UNC80: variants seen among roughly 807,000 people sequenced by gnomAD.
The protein encoded by UNC80 is unc-80 subunit of NALCN channel complex, also known as protein unc-80 homolog.
A neutral mutation model predicts 384.6 loss-of-function variants in UNC80; 164 were observed. The ratio of observed to expected loss-of-function variants is 0.43; its 90% confidence interval spans 0.38 to 0.49. UNC80 has a LOEUF of 0.49. Ranked by LOEUF, UNC80 falls within the 20% of genes least tolerant of loss-of-function variation. UNC80 has a pLI of 0.00. For synonymous variants in UNC80, 1,486 were observed against 1,527.8 expected (o/e 0.97, Z 0.64); for missense variants, 3,330 against 4,143.0 (o/e 0.80, Z 5.39).
chr2:209,839,112 G>T lies in UNC80; in HGVS notation c.3042-110G>T, dbSNP rs1482447658. The T allele has an allele frequency of 1.0e-6, 1 of 991,480 alleles. No individual in the cohort carries two copies. The highest frequency in any genetic ancestry group is 1.5e-6 in the Non-Finnish European group (1 of 673,840). The allele number at this position is 991,480 out of a possible 1,614,324, so 61.4% of individuals were successfully genotyped here. On this transcript the variant is annotated intron_variant, in intron 18 of 64. Coordinates refer to ENST00000673920, the MANE Select transcript of UNC80 (RefSeq NM_001371986.1). The surrounding 1 kb of genome is among the most constrained non-coding windows in gnomAD (Gnocchi z 4.1). ...TCTTCCCACATTTCAGCCCATCAAA[G>T]ATCATTTTGCATGATTTGCCTAAAT...
At chr2:209,792,411 G>A (rs1329503318) in intron 6 of UNC80, among the ~76,000 whole-genome samples, 7 of 152,310 alleles carry the variant, frequency 4.6e-5, no homozygotes, top group Admixed American at 1.3e-4. Context: ...GCAGTGGCGC[G>A]ATCTTGGCTC....
intron 36 of UNC80, among the ~76,000 whole-genome samples, chr2:209,929,426 G>A (rs1248855827): frequency 6.6e-6 from 1 of 152,076 alleles, no homozygotes; most frequent in African/African-American, 2.4e-5. Context: ...ACTGTTTGAA[G>A]CACTCATGTG....
At chr2:209,960,774 C>G (rs1441258699) in intron 51 of UNC80, among the ~76,000 whole-genome samples, 1 of 152,194 alleles carries the variant, frequency 6.6e-6, no homozygotes, top group Non-Finnish European at 1.5e-5. Flanking sequence ...CACTGGAGTT[C>G]ACACTCCCTG....
intron 4 of UNC80, among the ~76,000 whole-genome samples, chr2:209,784,343 A>G (rs772133954): frequency 2.0e-5 from 3 of 152,202 alleles, no homozygotes; most frequent in Non-Finnish European, 4.4e-5. Flanking sequence ...TCACTCTGCT[A>G]CTTGAAACCT....
intron 56 of UNC80, 106 bp downstream of exon 56, chr2:209,973,376 T>G: frequency 9.0e-7 from 1 of 1,113,010 alleles, no homozygotes; most frequent in Non-Finnish European, 1.3e-6. Context: ...ATGTACTTAG[T>G]TAAGTTCCAA....
At chr2:209,965,545 C>T (rs1453044526) in intron 51 of UNC80, among the ~76,000 whole-genome samples, 2 of 151,592 alleles carry the variant, frequency 1.3e-5, no homozygotes, top group South Asian at 2.1e-4. Context: ...CTCAGCCTCC[C>T]GAGTAGTTGG....
intron 4 of UNC80, among the ~76,000 whole-genome samples, chr2:209,780,529 T>C (rs1170233832): frequency 6.6e-6 from 1 of 152,196 alleles, no homozygotes; most frequent in Non-Finnish European, 1.5e-5. Context: ...GCCTTGGCAC[T>C]GTTGGCATTT....
rs1421883417 is a variant in UNC80, at chr2:209,959,805, ACT to A, written c.7805+101_7805+102del. 7.2e-6 allele frequency: 8 copies of A among 1,105,096 alleles called. No homozygotes were observed. In the African/African-American group the frequency reaches 9.5e-5, roughly 13 times the overall value. The allele number at this position is 1,105,096 out of a possible 1,614,324, so 68.5% of individuals were successfully genotyped here. A position where few individuals can be genotyped will look rare whatever the true frequency, so the allele number is the denominator to read the frequency against. ...TGAGAGTGGGGGTTCTCCAGGAAAA[ACT>A]CTTAATATAGAATGATTTGTTTCCG... is the stretch of plus-strand genomic sequence containing the variant. On this transcript the variant is annotated intron_variant, in intron 51 of 64. Coordinates refer to ENST00000673920, the MANE Select transcript of UNC80 (RefSeq NM_001371986.1).
At chr2:209,982,957 C>CAA (rs1193529180) in intron 60 of UNC80, 1 of 92,422 alleles carries the variant, frequency 1.1e-5, no homozygotes, top group Non-Finnish European at 2.4e-5. Flanking sequence ...TATATATATA[C>CAA]ACACACACAC....
chr2:209,911,488 C>T (rs2088935699), intron 29 of UNC80, among the ~76,000 whole-genome samples: 1 of 152,202 alleles, frequency 6.6e-6, no homozygotes, highest in Non-Finnish European at 1.5e-5. Context: ...TGGTTCTATA[C>T]TCGTCACATA....
intron 42 of UNC80, among the ~76,000 whole-genome samples, chr2:209,938,710 C>CTCTCTCTGTGTGTGTGTGTG (rs1491352008): frequency 6.0e-5 from 5 of 83,506 alleles, no homozygotes; most frequent in African/African-American, 1.9e-4. Context: ...CTCTCTCTCT[C>CTCTCTCTGTGTGTGTGTGTG]TGTGTGTGTG....
chr2:209,943,493 G>A lies in UNC80; in HGVS notation c.7029G>A (p.Val2343=). The change falls in exon 45 of 65, where the codon GTG becomes GTA. Residue 2343 remains valine (V), a synonymous_variant. Coordinates refer to ENST00000673920, the MANE Select transcript of UNC80 (RefSeq NM_001371986.1). Reference sequence around the variant, plus strand: ...TTGTGCTCCAGCTGTTTGCTAGTGTGGCCCCTCTCCTGGAATTTCCTGTAA... The same window carrying A: ...TTGTGCTCCAGCTGTTTGCTAGTGTAGCCCCTCTCCTGGAATTTCCTGTAA... ...KPFVLQLFAS[V]APLLEFPDAA... is the part of the protein sequence containing the mutation. The A allele has an allele frequency of 6.4e-7, 1 of 1,551,646 alleles. No individual in the cohort carries two copies. Among genetic ancestry groups the A allele is most frequent in the South Asian group, 1.2e-5 (1 of 84,058 alleles).
Position 209,912,588 on chromosome 2 carries a change from C to G in UNC80, c.4811C>G (p.Pro1604Arg), listed in dbSNP as rs1292229505. Residue 1604 changes from proline to arginine, a missense_variant, in exon 30 of 65, where the codon CCT (proline) becomes CGT (arginine). This residue lies in a region of UNC80 where 801 missense variants were observed against 950.8 expected (regional missense o/e 0.84). Coordinates refer to ENST00000673920, the MANE Select transcript of UNC80 (RefSeq NM_001371986.1). ...ECSDKSCLRT[P>R]SLKKRVSDAN... Reference sequence around the variant, plus strand: ...TCAGATAAGTCATGCCTGAGGACACCTTCTCTAAAGAAGAGAGTTTCAGAT... The same window carrying G: ...TCAGATAAGTCATGCCTGAGGACACGTTCTCTAAAGAAGAGAGTTTCAGAT... 18 of 1,551,208 alleles carry G rather than the reference C, an allele frequency of 1.2e-5. 1 individual carries two copies. The South Asian group carries it at 2.0e-4, about 17-fold the overall frequency.
At chr2:209,966,734 T>C (rs1187003437) in intron 51 of UNC80, among the ~76,000 whole-genome samples, 7 of 152,226 alleles carry the variant, frequency 4.6e-5, no homozygotes, top group Non-Finnish European at 7.3e-5. Flanking sequence ...AGTTCCTGTA[T>C]GGAACCGAGT....
intron 29 of UNC80, among the ~76,000 whole-genome samples, chr2:209,905,836 AG>A (rs2088127026): frequency 6.6e-6 from 1 of 152,210 alleles, no homozygotes; most frequent in Non-Finnish European, 1.5e-5. Flanking sequence ...CTGAGCTGGC[AG>A]GAGATGAAGA....
intron 28 of UNC80, among the ~76,000 whole-genome samples, chr2:209,903,373 G>T (rs12471550): frequency 8.2e-6 from 1 of 122,036 alleles, no homozygotes; most frequent in Non-Finnish European, 1.6e-5. Flanking sequence ...ACTCCCTGCA[G>T]GAAATTGTGT....
chr2:209,906,137 G>C lies in UNC80; in HGVS notation c.4782+1172G>C, dbSNP rs188064607. ...TGCAAACCAGGTTTGGCCTGGGGAGGGGGTAAGAGATAATATGTACATCAA... is the reference window on the plus strand; with the variant it reads ...TGCAAACCAGGTTTGGCCTGGGGAGCGGGTAAGAGATAATATGTACATCAA... On this transcript the variant is annotated intron_variant, in intron 29 of 64. Coordinates refer to ENST00000673920, the MANE Select transcript of UNC80 (RefSeq NM_001371986.1). Among the ~76,000 whole-genome samples the C allele has an allele frequency of 5.2e-3, 790 of 152,242 alleles. 4 individuals carry two copies. Among genetic ancestry groups the C allele is most frequent in the Non-Finnish European group, 6.8e-3 (459 of 67,992 alleles).
At chr2:209,987,827 C>T (rs181680406) in intron 61 of UNC80, among the ~76,000 whole-genome samples, 27 of 151,936 alleles carry the variant, frequency 1.8e-4, no homozygotes, top group Admixed American at 1.4e-3. Context: ...ATTATACACA[C>T]TTTCAAAGCA....
rs2087982932 is a variant in UNC80 at position 209,904,853 on chromosome 2, C to T, written c.4670C>T (p.Ser1557Phe). The change falls in exon 29 of 65, where the codon TCC becomes TTC. Residue 1557 changes from serine (S) to phenylalanine (F), a missense_variant. Ser to Phe is a radical substitution (Grantham distance 155). Coordinates refer to ENST00000673920, the MANE Select transcript of UNC80 (RefSeq NM_001371986.1). The part of the protein sequence containing the change: ...HPHCYLHHSR[S>F]CARLVRAIKL... ...CACTGCTACCTGCACCACAGCCGCT[C>T]CTGTGCCCGACTGGTCAGAGCCATC... The T allele has an allele frequency of 6.4e-7, 1 of 1,551,874 alleles. No homozygotes were observed. The highest frequency in any genetic ancestry group is 8.7e-7 in the Non-Finnish European group (1 of 1,147,052).
Sources: gnomAD v4.1 joint callset for allele counts (sites outside exome capture counted in the v4.1 genomes callset) on GRCh38, gnomAD v4.1.1 for gene constraint, gnomAD v4.1.1 regional missense constraint, Gnocchi (gnomAD v3.1) non-coding constraint, MANE v1.5 for transcripts, NCBI Gene and HGNC (gene_info 2026-07-23, HGNC 2026-07-21) for gene names.